MAFG: variants seen among roughly 807,000 people sequenced by gnomAD.
MAFG encodes the protein transcription factor MafG.
In MAFG, 3 loss-of-function variants were observed where a neutral mutation model predicts 12.2. That is an observed-to-expected ratio of 0.25 (90% CI 0.11 to 0.64). MAFG has a LOEUF of 0.64. MAFG is among the 30% of genes least tolerant of loss of function. The probability of loss-of-function intolerance (pLI) is 0.85; values close to 1 mark genes in which losing one functional copy is unlikely to be tolerated. For synonymous variants in MAFG, 126 were observed against 109.1 expected, an observed-to-expected ratio of 1.15 and a Z score of -0.96; for missense variants, 153 against 235.5, an observed-to-expected ratio of 0.65 and a Z score of 2.29.
At chr17:81,929,939 G>A (rs1228349165), upstream of MAFG, 1 of 146,032 alleles carries the variant, frequency 6.8e-6, no homozygotes, top group Non-Finnish European at 1.5e-5. This position sits in a 1 kb window ranked among gnomAD's most constrained non-coding sequence, Gnocchi z 5.7. Flanking sequence ...CTGTGGGACT[G>A]AGCCCCGCAG....
Position 81,926,866 on chromosome 17 carries a change from A to C in MAFG, c.-30+662T>G, listed in dbSNP as rs1245773492. On this transcript the variant is annotated intron_variant, in intron 1 of 2. Transcript: ENST00000357736. The surrounding 1 kb of genome is among the most constrained non-coding windows in gnomAD (Gnocchi z 4.6). ...GGGCCTGGCCCCCTCCCACATCCCCACGGCTCCCTCCCACCTCCCGCTGGC... is the reference window on the plus strand; with the variant it reads ...GGGCCTGGCCCCCTCCCACATCCCCCCGGCTCCCTCCCACCTCCCGCTGGC... 2.0e-5 allele frequency among the ~76,000 whole-genome samples: 3 copies of C among 147,002 alleles called. No individual in the cohort carries two copies. The highest frequency in any genetic ancestry group is 7.6e-5 in the African/African-American group (3 of 39,652).
upstream of MAFG, chr17:81,930,055 C>A (rs2040973761): frequency 6.5e-6 from 1 of 154,060 alleles, no homozygotes; most frequent in Admixed American, 6.5e-5. This position sits in a 1 kb window ranked among gnomAD's most constrained non-coding sequence, Gnocchi z 4.1. Context: ...TTCTGTGGGA[C>A]TGACCTTAAG....
chr17:81,927,293 C>G (rs2040949435), intron 1 of MAFG, among the ~76,000 whole-genome samples: 2 of 150,944 alleles, frequency 1.3e-5, no homozygotes, highest in East Asian at 4.0e-4. Flanking sequence ...GCCCGCGGCC[C>G]ACCTCCAGTA....
At chr17:81,923,269 C>CCG (rs1555620259) in intron 1 of MAFG, 55 bp from the exon 2 acceptor site, 6 of 941,468 alleles carry the variant, frequency 6.4e-6, no homozygotes, top group South Asian at 5.9e-5. Flanking sequence ...CGCACCCCCC[C>CCG]CCCCCCGCCC....
At position 81,924,141 on chromosome 17, in the gene MAFG, C is replaced by G. The variant is rs557200538; in HGVS notation, c.-29-927G>C. 2 of 152,300 alleles carry G rather than the reference C, an allele frequency of 1.3e-5. No individual in the cohort carries two copies. Among genetic ancestry groups the G allele is most frequent in the African/African-American group, 4.8e-5 (2 of 41,458 alleles). 9.4% of individuals were successfully genotyped at this position (152,300 alleles called of 1,614,324 possible). A position where few individuals can be genotyped will look rare whatever the true frequency, so the allele number is the denominator to read the frequency against. ...CAAGGGCTCCCACAGTGAGCCACCC[C>G]GGGCCTGCCCAACGTGAAGGCTGGC... On this transcript the variant is annotated intron_variant, in intron 1 of 2. Transcript: ENST00000357736. The surrounding 1 kb of genome is among the most constrained non-coding windows in gnomAD (Gnocchi z 4.7).
At chr17:81,925,979 GCTCA>G (rs1328664539) in intron 1 of MAFG, among the ~76,000 whole-genome samples, 6 of 137,818 alleles carry the variant, frequency 4.4e-5, no homozygotes, top group Non-Finnish European at 7.8e-5. Flanking sequence ...TGTGGGGGGT[GCTCA>G]CTGAGAATGG....
intron 1 of MAFG, chr17:81,923,527 A>C: frequency 4.1e-6 from 1 of 245,910 alleles, no homozygotes; most frequent in Non-Finnish European, 7.8e-6. Context: ...AAGGAATAAG[A>C]CGCGGGAGAG....
chr17:81,923,112 C>T (rs775335488), intron 2 of MAFG, 38 bp downstream of exon 2: 29 of 1,611,504 alleles, frequency 1.8e-5, no homozygotes, highest in South Asian at 1.4e-4. Flanking sequence ...CTGTGCCCCC[C>T]GACCCCAGCC....
chr17:81,922,355 A>G lies in MAFG; in HGVS notation c.*250T>C. 3.1e-6 allele frequency: 1 copy of G among 324,044 alleles called. No individual in the cohort carries two copies. Among genetic ancestry groups the G allele is most frequent in the Non-Finnish European group, 5.6e-6 (1 of 178,548 alleles). 20.1% of individuals were successfully genotyped at this position (324,044 alleles called of 1,614,324 possible). ...TCCAAGCCTGCATGGCCCTGGTACAAAAGGGGTTGGGGCGACCCCACGTCA... is the reference window on the plus strand; with the variant it reads ...TCCAAGCCTGCATGGCCCTGGTACAGAAGGGGTTGGGGCGACCCCACGTCA... On this transcript the variant is annotated 3_prime_UTR_variant, in exon 3 of 3. Transcript: ENST00000357736.
rs1237803685 is a variant in MAFG at position 81,924,083 on chromosome 17, C to G, written c.-29-869G>C. The G allele has an allele frequency of 6.6e-6, 1 of 152,304 alleles. No homozygotes were observed. Among genetic ancestry groups the G allele is most frequent in the Non-Finnish European group, 1.5e-5 (1 of 68,088 alleles). 9.4% of individuals were successfully genotyped at this position (152,304 alleles called of 1,614,324 possible). Reference sequence around the variant, plus strand: ...TCCTGTGGCTTTGGGTTGCAGGAAGCAGCCCCTGCCCCACCCCATCCAGGG... The same window carrying G: ...TCCTGTGGCTTTGGGTTGCAGGAAGGAGCCCCTGCCCCACCCCATCCAGGG... On this transcript the variant is annotated intron_variant, in intron 1 of 2. Transcript: ENST00000357736. This position sits in a 1 kb window ranked among gnomAD's most constrained non-coding sequence, Gnocchi z 4.7.
upstream of MAFG, among the ~76,000 whole-genome samples, chr17:81,929,172 C>T (rs573007121): frequency 1.3e-3 from 203 of 152,306 alleles, 2 homozygotes; most frequent in African/African-American, 4.7e-3. This position sits in a 1 kb window ranked among gnomAD's most constrained non-coding sequence, Gnocchi z 5.7. Flanking sequence ...CACCTCCGCG[C>T]GAATTTGGAA....
upstream of MAFG, chr17:81,930,830 GGGAAAGCACCATCT>G (rs1210651849): frequency 6.6e-6 from 1 of 152,312 alleles, no homozygotes; most frequent in South Asian, 2.1e-4. The surrounding 1 kb of genome is among the most constrained non-coding windows in gnomAD (Gnocchi z 4.1). Flanking sequence ...GACAGGAGCA[GGGAAAGCACCATCT>G]GGCCAGCCCC....
rs937520091 is a variant in MAFG, at chr17:81,922,369, G to A, written c.*236C>T. 30 of 360,800 alleles carry A rather than the reference G, an allele frequency of 8.3e-5. No homozygotes were observed. In the Middle Eastern group the frequency reaches 3.6e-3, roughly 44 times the overall value. 22.3% of individuals were successfully genotyped at this position (360,800 alleles called of 1,614,324 possible). On this transcript the variant is annotated 3_prime_UTR_variant, in exon 3 of 3. Coordinates refer to ENST00000357736, the MANE Select transcript of MAFG (RefSeq NM_002359.4). ...GCCCTGGTACAAAAGGGGTTGGGGC[G>A]ACCCCACGTCACCGCCGAACTGACC...
chr17:81,929,850 C>A, upstream of MAFG: 1 of 150,976 alleles, frequency 6.6e-6, no homozygotes. The surrounding 1 kb of genome is among the most constrained non-coding windows in gnomAD (Gnocchi z 5.7). Context: ...CGGGCATCCT[C>A]CCGCCCCAGG....
At chr17:81,927,070 T>A (rs1346055788) in intron 1 of MAFG, among the ~76,000 whole-genome samples, 1 of 150,100 alleles carries the variant, frequency 6.7e-6, no homozygotes, top group African/African-American at 2.5e-5. Context: ...CCGCCCCTCC[T>A]CCCGGGCTCG....
In MAFG at chr17:81,926,704, G is replaced by A. The variant is rs1197993826; in HGVS notation, c.-30+824C>T. The stretch of plus-strand genomic sequence containing the variant: ...CAGCTGCCGGAAAAGAGCCGCCTGG[G>A]AAGGGGTGGACCGCCCGGGGCTTCA... On this transcript the variant is annotated intron_variant, in intron 1 of 2. Transcript: ENST00000357736. The surrounding 1 kb of genome is among the most constrained non-coding windows in gnomAD (Gnocchi z 4.6). Among the ~76,000 whole-genome samples the A allele has an allele frequency of 2.6e-5, 4 of 152,302 alleles. No homozygotes were observed. Among genetic ancestry groups the A allele is most frequent in the Admixed American group, 2.6e-4 (4 of 15,306 alleles).
At chr17:81,930,242 G>C (rs975904617), upstream of MAFG, 1 of 152,452 alleles carries the variant, frequency 6.6e-6, no homozygotes, top group Non-Finnish European at 1.5e-5. This position sits in a 1 kb window ranked among gnomAD's most constrained non-coding sequence, Gnocchi z 4.1. Flanking sequence ...TGACCCACTG[G>C]TTCCAGAGTC....
chr17:81,931,134 C>T (rs2040983051), upstream of MAFG, among the ~76,000 whole-genome samples: 1 of 152,220 alleles, frequency 6.6e-6, no homozygotes, highest in Admixed American at 6.5e-5. Context: ...TAATCAGGAA[C>T]CCACAGTGGG....
At position 81,926,363 on chromosome 17, in the gene MAFG, T is replaced by A. The variant is rs763160917; in HGVS notation, c.-30+1165A>T. On this transcript the variant is annotated intron_variant, in intron 1 of 2. Transcript: ENST00000357736. This position sits in a 1 kb window ranked among gnomAD's most constrained non-coding sequence, Gnocchi z 4.6. ...ACCCCAAGGCTAGGCACCCTGAAGC[T>A]CCCACCACCTACAGTCTCAACCCAG... Among the ~76,000 whole-genome samples the A allele has an allele frequency of 4.0e-5, 6 of 151,786 alleles. No homozygotes were observed. Among genetic ancestry groups the A allele is most frequent in the Non-Finnish European group, 1.5e-5 (1 of 67,920 alleles).
Sources: gnomAD v4.1 joint callset for allele counts (sites outside exome capture counted in the v4.1 genomes callset) on GRCh38, gnomAD v4.1.1 for gene constraint, Gnocchi (gnomAD v3.1) non-coding constraint, MANE v1.5 for transcripts, NCBI Gene and HGNC (gene_info 2026-07-23, HGNC 2026-07-21) for gene names.